HCN1: variants seen among roughly 807,000 people sequenced by gnomAD.
HCN1 encodes potassium/sodium hyperpolarization-activated cyclic nucleotide-gated channel 1.
HCN1 carries 13 observed loss-of-function variants against 78.9 expected under a neutral mutation model. The ratio of observed to expected loss-of-function variants is 0.16; its 90% CI spans 0.11 to 0.26. The LOEUF (loss-of-function observed/expected upper bound fraction) is 0.26, where lower values mean the gene tolerates loss of function less well. Ranked by LOEUF, HCN1 falls within the 10% of genes least tolerant of loss-of-function variation. HCN1 has a pLI of 1.00. For missense variants in HCN1, 810 were observed against 1,154.3 expected, an observed-to-expected ratio of 0.70 and a Z score of 4.32; for synonymous variants, 552 against 455.5, an observed-to-expected ratio of 1.21 and a Z score of -2.70.
Position 45,695,884 on chromosome 5 carries a change from G to A in HCN1, c.210C>T (p.Gly70=), listed in dbSNP as rs1461727986. The change falls in exon 1 of 8, where the codon GGC becomes GGT. Residue 70 remains glycine, a synonymous_variant. Coordinates refer to ENST00000303230, the MANE Select transcript of HCN1 (RefSeq NM_021072.4). Reference sequence around the variant, plus strand: ...CCGCCGGCTCCTCGCCGCCGCCGCCGCCGCCGCCACCGCCGCCACCGCCGT... The same window carrying A: ...CCGCCGGCTCCTCGCCGCCGCCGCCACCGCCGCCACCGCCGCCACCGCCGT... ...KVDGGGGGGG[G]GGGGEEPAGG... 1 of 1,529,750 alleles carries A rather than the reference G, an allele frequency of 6.5e-7. No individual in the cohort carries two copies. The highest frequency in any genetic ancestry group is 8.8e-7 in the Non-Finnish European group (1 of 1,142,296). 94.8% of individuals were successfully genotyped at this position (1,529,750 alleles called of 1,614,324 possible). A position where few individuals can be genotyped will look rare whatever the true frequency, so the allele number is the denominator to read the frequency against.
chr5:45,330,933 T>G (rs962506269), intron 5 of HCN1, among the ~76,000 whole-genome samples: 1 of 151,288 alleles, frequency 6.6e-6, no homozygotes, highest in Non-Finnish European at 1.5e-5. Context: ...TTGCAAAAAC[T>G]TTAAAAATGT....
intron 3 of HCN1, among the ~76,000 whole-genome samples, chr5:45,419,071 C>T (rs1011401787): frequency 6.6e-6 from 1 of 152,144 alleles, no homozygotes; most frequent in Non-Finnish European, 1.5e-5. Flanking sequence ...TTCCTGGACA[C>T]TTTCAGGAAC....
chr5:45,527,360 C>T (rs1479128122), intron 2 of HCN1, among the ~76,000 whole-genome samples: 1 of 12,170 alleles, frequency 8.2e-5, no homozygotes, highest in Non-Finnish European at 4.8e-4. Flanking sequence ...GAAGCTTATA[C>T]CATGTTATCA....
chr5:45,625,485 G>A (rs1745145632), intron 2 of HCN1, among the ~76,000 whole-genome samples: 1 of 151,838 alleles, frequency 6.6e-6, no homozygotes, highest in Admixed American at 6.6e-5. Flanking sequence ...ACTGTGCCTA[G>A]TACCTTCACA....
intron 1 of HCN1, among the ~76,000 whole-genome samples, chr5:45,657,951 G>T (rs909930571): frequency 7.9e-5 from 12 of 152,160 alleles, no homozygotes; most frequent in Admixed American, 6.5e-5. Flanking sequence ...TAAGCCAAAA[G>T]AACAAAGCCG....
At chr5:45,358,193 T>A (rs189336753) in intron 4 of HCN1, among the ~76,000 whole-genome samples, 2 of 152,160 alleles carry the variant, frequency 1.3e-5, no homozygotes, top group Admixed American at 1.3e-4. Context: ...AAAATAGAAG[T>A]GGCAATGGAA....
chr5:45,349,342 C>T (rs1746832874), intron 5 of HCN1, among the ~76,000 whole-genome samples: 2 of 152,150 alleles, frequency 1.3e-5, no homozygotes, highest in African/African-American at 4.8e-5. Context: ...AAAGACACAA[C>T]ATAACAGAAT....
At chr5:45,516,595 T>C (rs1162502807) in intron 2 of HCN1, among the ~76,000 whole-genome samples, 1 of 151,976 alleles carries the variant, frequency 6.6e-6, no homozygotes, top group African/African-American at 2.4e-5. Context: ...TGTAACTCTA[T>C]TGGAAATTAT....
At chr5:45,410,895 C>T (rs944638216) in intron 3 of HCN1, among the ~76,000 whole-genome samples, 30 of 152,018 alleles carry the variant, frequency 2.0e-4, no homozygotes, top group African/African-American at 4.8e-4. Context: ...TTAGCATTGA[C>T]GTCTAAATCC....
At chr5:45,664,872 A>G (rs1449446214) in intron 1 of HCN1, among the ~76,000 whole-genome samples, 1 of 152,018 alleles carries the variant, frequency 6.6e-6, no homozygotes, top group Admixed American at 6.6e-5. Context: ...TAGTTCAACC[A>G]TTGTGGAAGT....
chr5:45,374,370 T>G (rs990473352), intron 4 of HCN1, among the ~76,000 whole-genome samples: 25 of 143,460 alleles, frequency 1.7e-4, no homozygotes, highest in African/African-American at 4.9e-4. Flanking sequence ...CTCAGAGAGA[T>G]ATATATATCC....
At chr5:45,272,898 T>A (rs1007752110) in intron 6 of HCN1, among the ~76,000 whole-genome samples, 3 of 152,062 alleles carry the variant, frequency 2.0e-5, no homozygotes, top group Non-Finnish European at 4.4e-5. Context: ...TCAGTGCAGT[T>A]TACAGATGCA....
rs1431828513 is a variant in HCN1, at chr5:45,515,686, TAG to T, written c.850-53681_850-53680del. Among the ~76,000 whole-genome samples the T allele has an allele frequency of 7.2e-5, 11 of 152,068 alleles. No individual in the cohort carries two copies. The East Asian group carries it at 1.5e-3, about 21-fold the overall frequency. On this transcript the variant is annotated intron_variant, in intron 2 of 7. Coordinates refer to ENST00000303230, the MANE Select transcript of HCN1 (RefSeq NM_021072.4). ...GCTACAATTCTACTAACGTCCCACATAGAGAGAATATAGACACAGTTCACCTG... is the reference window on the plus strand; with the variant it reads ...GCTACAATTCTACTAACGTCCCACATAGAGAATATAGACACAGTTCACCTG...
chr5:45,272,694 A>G (rs976442103), intron 6 of HCN1, among the ~76,000 whole-genome samples: 4 of 152,034 alleles, frequency 2.6e-5, no homozygotes, highest in African/African-American at 9.7e-5. Context: ...GGAACATAAC[A>G]TATCTCTGAG....
intron 4 of HCN1, among the ~76,000 whole-genome samples, chr5:45,372,131 TAATATA>T (rs1747398304): frequency 5.7e-5 from 3 of 52,856 alleles, no homozygotes; most frequent in Non-Finnish European, 8.3e-5. Context: ...ATTATATATA[TAATATA>T]ATAATATATT....
In HCN1 at chr5:45,307,799, G is replaced by A. The variant is rs150576197; in HGVS notation, c.1378-3960C>T. 2.7e-3 allele frequency among the ~76,000 whole-genome samples: 404 copies of A among 152,108 alleles called. 1 individual carries two copies. The highest frequency in any genetic ancestry group is 9.1e-3 in the African/African-American group (378 of 41,516). ...AACTAAGGGAATCTGAGTAATGTTC[G>A]GACTTAATAATAATGTATCAATATT... is the stretch of plus-strand genomic sequence containing the variant. On this transcript the variant is annotated intron_variant, in intron 5 of 7. Coordinates refer to ENST00000303230, the MANE Select transcript of HCN1 (RefSeq NM_021072.4).
intron 2 of HCN1, among the ~76,000 whole-genome samples, chr5:45,584,182 C>A (rs1189451545): frequency 3.3e-5 from 5 of 152,142 alleles, no homozygotes; most frequent in African/African-American, 9.7e-5. Flanking sequence ...TTGTGGGTCT[C>A]TAAGGACTTG....
intron 3 of HCN1, among the ~76,000 whole-genome samples, chr5:45,409,334 C>T (rs1417236710): frequency 6.6e-6 from 1 of 151,902 alleles, no homozygotes; most frequent in Non-Finnish European, 1.5e-5. Flanking sequence ...TTTGCAAATA[C>T]ATAAATCATG....
chr5:45,350,305 C>T (rs1275849410), intron 5 of HCN1, among the ~76,000 whole-genome samples: 5 of 152,088 alleles, frequency 3.3e-5, no homozygotes, highest in African/African-American at 9.7e-5. Flanking sequence ...GCAGAAAAGG[C>T]CTTTGACAAA....
Sources: gnomAD v4.1 joint callset for allele counts (sites outside exome capture counted in the v4.1 genomes callset) on GRCh38, gnomAD v4.1.1 for gene constraint, MANE v1.5 for transcripts, NCBI Gene and HGNC (gene_info 2026-07-23, HGNC 2026-07-21) for gene names.